FRMD5: variants seen among roughly 807,000 people sequenced by gnomAD.
FRMD5 encodes the protein FERM domain-containing protein 5.
FRMD5 carries 20 observed loss-of-function variants against 69.0 expected under a neutral mutation model. That is an observed-to-expected ratio of 0.29 (90% CI 0.20 to 0.42). The LOEUF is 0.42. Among genes scored for constraint, FRMD5 ranks in the 10% least tolerant of loss-of-function variants. The pLI, the probability that FRMD5 is intolerant of heterozygous loss-of-function variation, is 1.00. For missense variants in FRMD5, 595 were observed against 708.6 expected (o/e 0.84, Z 1.82); for synonymous variants, 271 against 260.1 (o/e 1.04, Z -0.40).
chr15:43,900,331 G>T (rs568445361), intron 7 of FRMD5, among the ~76,000 whole-genome samples: 2 of 152,290 alleles, frequency 1.3e-5, no homozygotes, highest in South Asian at 2.1e-4. Flanking sequence ...TACACAGAGG[G>T]CATTGTTTGG....
At chr15:44,090,720 G>A (rs965872895) in intron 1 of FRMD5, among the ~76,000 whole-genome samples, 5 of 152,160 alleles carry the variant, frequency 3.3e-5, no homozygotes, top group Admixed American at 6.5e-5. Flanking sequence ...GATTATAGGC[G>A]TGAGCCACTG....
intron 13 of FRMD5, among the ~76,000 whole-genome samples, chr15:43,877,558 G>T (rs904635550): frequency 6.6e-6 from 1 of 152,214 alleles, no homozygotes; most frequent in Non-Finnish European, 1.5e-5. Context: ...GGTTATGAAT[G>T]AGTAGGACAA....
intron 1 of FRMD5, among the ~76,000 whole-genome samples, chr15:44,117,991 C>CTTTTTTTTTTTTTTT (rs747747488): frequency 1.7e-4 from 16 of 92,656 alleles, no homozygotes; most frequent in African/African-American, 5.6e-4. Context: ...TTCTTTTTTA[C>CTTTTTTTTTTTTTTT]TTTTTTTTTT....
At chr15:43,889,291 G>A (rs1463457865) in intron 8 of FRMD5, among the ~76,000 whole-genome samples, 1 of 152,198 alleles carries the variant, frequency 6.6e-6, no homozygotes. Context: ...CAAATAATGA[G>A]AAACAATGCA....
intron 1 of FRMD5, among the ~76,000 whole-genome samples, chr15:43,962,711 T>C (rs148300189): frequency 0.13 from 19,550 of 152,120 alleles, 2,399 homozygotes; most frequent in African/African-American, 0.32. Context: ...AACAGAGATA[T>C]AGACCAATGG....
intron 1 of FRMD5, among the ~76,000 whole-genome samples, chr15:44,100,282 C>A (rs958967763): frequency 3.3e-5 from 5 of 151,448 alleles, no homozygotes; most frequent in African/African-American, 1.2e-4. Context: ...GTCTTGAGCT[C>A]CTGACCTCAG....
intron 13 of FRMD5, chr15:43,875,986 T>C: frequency 7.1e-7 from 1 of 1,401,660 alleles, no homozygotes; most frequent in Non-Finnish European, 1.0e-6. Context: ...ATGGACCCTC[T>C]GGTCATCCAA....
rs559931001 is a variant in FRMD5 at position 43,960,920 on chromosome 15, G to A, written c.103-36611C>T. Among the ~76,000 whole-genome samples the A allele has an allele frequency of 1.2e-4, 18 of 152,102 alleles. No individual in the cohort carries two copies. The East Asian group carries it at 3.5e-3, about 29-fold the overall frequency. On this transcript the variant is annotated intron_variant, in intron 1 of 13. Coordinates refer to ENST00000417257, the MANE Select transcript of FRMD5 (RefSeq NM_032892.5). ...AAAAACCTAAACTACATAGAACTGTGGCTTTAAAAGCATTTGTGAAGAGAA... is the reference window on the plus strand; with the variant it reads ...AAAAACCTAAACTACATAGAACTGTAGCTTTAAAAGCATTTGTGAAGAGAA...
rs147461006 is a variant in FRMD5, at chr15:44,162,594, G to A, written c.102+32359C>T. 3.3e-3 allele frequency among the ~76,000 whole-genome samples: 495 copies of A among 152,146 alleles called. 13 individuals are homozygous for A. In the East Asian group the frequency reaches 0.052, roughly 16 times the overall value. On this transcript the variant is annotated intron_variant, in intron 1 of 13. Coordinates refer to ENST00000417257, the MANE Select transcript of FRMD5 (RefSeq NM_032892.5). ...CTTAAAACTCCCATGTCGGCCGGGCGCGGTGACTCACGCCTGTGATCCCAG... is the reference window on the plus strand; with the variant it reads ...CTTAAAACTCCCATGTCGGCCGGGCACGGTGACTCACGCCTGTGATCCCAG...
At chr15:43,977,493 T>C (rs959823979) in intron 1 of FRMD5, among the ~76,000 whole-genome samples, 3 of 152,162 alleles carry the variant, frequency 2.0e-5, no homozygotes, top group Admixed American at 1.3e-4. Context: ...TCATTGTTGC[T>C]ATAGCAGGAA....
intron 7 of FRMD5, among the ~76,000 whole-genome samples, chr15:43,897,767 C>G (rs1053534274): frequency 6.6e-6 from 1 of 152,098 alleles, no homozygotes; most frequent in Non-Finnish European, 1.5e-5. Flanking sequence ...TGTCCCCACC[C>G]AAATCTGATG....
intron 1 of FRMD5, among the ~76,000 whole-genome samples, chr15:43,982,731 T>C (rs1367431431): frequency 1.3e-5 from 2 of 152,212 alleles, no homozygotes; most frequent in Admixed American, 1.3e-4. Context: ...ACTGTATTTT[T>C]AAAGTTTTTT....
chr15:43,929,695 G>A (rs2089642326), intron 1 of FRMD5, among the ~76,000 whole-genome samples: 1 of 152,228 alleles, frequency 6.6e-6, no homozygotes, highest in African/African-American at 2.4e-5. Flanking sequence ...AGGCACCCTG[G>A]AGGAAGGGCA....
intron 1 of FRMD5, among the ~76,000 whole-genome samples, chr15:44,100,860 T>C (rs2076628183): frequency 6.6e-6 from 1 of 152,050 alleles, no homozygotes; most frequent in Admixed American, 6.6e-5. Flanking sequence ...AGAAATAAAC[T>C]AGTCTTGGGG....
At chr15:43,981,704 T>A (rs1054958275) in intron 1 of FRMD5, among the ~76,000 whole-genome samples, 1 of 152,256 alleles carries the variant, frequency 6.6e-6, no homozygotes, top group East Asian at 1.9e-4. Flanking sequence ...ATTAGAAACC[T>A]TCTGCTAGAT....
chr15:43,875,369 T>A (rs867699947), intron 13 of FRMD5, among the ~76,000 whole-genome samples: 15,441 of 112,888 alleles, frequency 0.14, 1,353 homozygotes, highest in Non-Finnish European at 0.19. Context: ...AAAAAATATA[T>A]ATATATATAT....
chr15:44,174,625 A>G (rs567697916), intron 1 of FRMD5, among the ~76,000 whole-genome samples: 11 of 152,366 alleles, frequency 7.2e-5, no homozygotes, highest in African/African-American at 2.4e-4. Context: ...CTACTTTTCA[A>G]TGTAAAAGAA....
chr15:44,131,345 T>C (rs1458653228), intron 1 of FRMD5, among the ~76,000 whole-genome samples: 1 of 151,772 alleles, frequency 6.6e-6, no homozygotes, highest in African/African-American at 2.4e-5. Flanking sequence ...CTATAAACGG[T>C]AGGAATGTAA....
At chr15:44,051,678 G>A (rs62023710) in intron 1 of FRMD5, among the ~76,000 whole-genome samples, 1,716 of 151,990 alleles carry the variant, frequency 0.011, 12 homozygotes, top group South Asian at 0.027. Flanking sequence ...CCTCTTGGCC[G>A]TTACTGTTTT....
Sources: gnomAD v4.1 joint callset for allele counts (sites outside exome capture counted in the v4.1 genomes callset) on GRCh38, gnomAD v4.1.1 for gene constraint, MANE v1.5 for transcripts, NCBI Gene and HGNC (gene_info 2026-07-23, HGNC 2026-07-21) for gene names.